ATG7: variants seen among roughly 807,000 people sequenced by gnomAD.
ATG7 encodes ubiquitin-like modifier-activating enzyme ATG7.
Under a neutral mutation model 82.4 loss-of-function variants are expected in ATG7, and 70 were observed. That is an observed-to-expected ratio of 0.85 (90% CI 0.70 to 1.04). The LOEUF is 1.04. Among genes scored for constraint, ATG7 ranks in the 50% least tolerant of loss-of-function variants. ATG7 has a pLI of 0.00. For missense variants in ATG7, 792 were observed against 864.3 expected (o/e 0.92, Z 1.05); for synonymous variants, 287 against 313.0 (o/e 0.92, Z 0.88).
At chr3:11,471,739 A>T (rs2087545090) in intron 20 of ATG7, among the ~76,000 whole-genome samples, 1 of 60,990 alleles carries the variant, frequency 1.6e-5, no homozygotes, top group Non-Finnish European at 3.0e-5. Context: ...TTGGCTTTTT[A>T]GATTTCTTTT....
intron 20 of ATG7, among the ~76,000 whole-genome samples, chr3:11,479,929 A>ATTTT (rs1240114722): frequency 7.1e-6 from 1 of 140,838 alleles, no homozygotes; most frequent in Non-Finnish European, 1.6e-5. Context: ...CCTGGAATCA[A>ATTTT]TTTTTTTTTT....
chr3:11,377,004 G>T (rs778116125), intron 18 of ATG7, among the ~76,000 whole-genome samples: 11 of 152,208 alleles, frequency 7.2e-5, no homozygotes, highest in Non-Finnish European at 1.6e-4. Flanking sequence ...CTCCCAAAGT[G>T]CTGGGATTAC....
chr3:11,432,075 G>C (rs931424662), intron 20 of ATG7, among the ~76,000 whole-genome samples: 2 of 152,152 alleles, frequency 1.3e-5, no homozygotes, highest in African/African-American at 2.4e-5. Flanking sequence ...TTTATTGGAG[G>C]GGGAGAGGTC....
intron 7 of ATG7, 69 bp downstream of exon 7, chr3:11,309,130 G>A (rs1348044191): frequency 2.2e-6 from 3 of 1,389,962 alleles, no homozygotes; most frequent in Non-Finnish European, 3.1e-6. Context: ...TGTACCAGTA[G>A]AACAGTCTGC....
intron 20 of ATG7, among the ~76,000 whole-genome samples, chr3:11,541,663 C>T (rs931326920): frequency 7.2e-5 from 11 of 152,148 alleles, no homozygotes; most frequent in Non-Finnish European, 1.2e-4. Flanking sequence ...TTATATCCTG[C>T]GTCCTCCCCA....
Position 11,293,862 on chromosome 3 carries a change from A to G in ATG7, c.-10-4824A>G, listed in dbSNP as rs570731664. ...CAAGACTCCGTATCGAGAGAAAAAA[A>G]AAAACATTAGCCGGGCATGGTGACA... On this transcript the variant is annotated intron_variant, in intron 3 of 20. Transcript: ENST00000693202. 3.3e-5 allele frequency among the ~76,000 whole-genome samples: 5 copies of G among 151,522 alleles called. No homozygotes were observed. In the South Asian group the frequency reaches 8.4e-4, roughly 25 times the overall value.
chr3:11,483,023 T>G (rs2089196945), intron 20 of ATG7, among the ~76,000 whole-genome samples: 1 of 151,998 alleles, frequency 6.6e-6, no homozygotes, highest in Non-Finnish European at 1.5e-5. Context: ...ATTCTCAACG[T>G]TTTTCCACCT....
intron 20 of ATG7, among the ~76,000 whole-genome samples, chr3:11,442,523 A>C (rs1481785082): frequency 6.6e-6 from 1 of 152,104 alleles, no homozygotes; most frequent in East Asian, 1.9e-4. Flanking sequence ...TTAGCCATTA[A>C]AATTTTAATG....
In ATG7 at chr3:11,325,270, A is replaced by G. The variant is rs147926012; in HGVS notation, c.679-6070A>G. On this transcript the variant is annotated intron_variant, in intron 9 of 20. Coordinates refer to ENST00000693202, the MANE Select transcript of ATG7 (RefSeq NM_001349232.2). ...GTCATGGTGGTGGATTGGACTGAAC[A>G]AAGAGGTCAATGAAGTTACTGCAAG... Among the ~76,000 whole-genome samples the G allele has an allele frequency of 1.6e-4, 24 of 152,326 alleles. No individual in the cohort carries two copies. The East Asian group carries it at 2.7e-3, about 17-fold the overall frequency.
chr3:11,332,936 A>T, intron 10 of ATG7, 36 bp from the exon 11 acceptor site: 1 of 1,407,764 alleles, frequency 7.1e-7, no homozygotes, highest in Non-Finnish European at 9.3e-7. Flanking sequence ...TTTAAAAAAA[A>T]ATAATAAATA....
chr3:11,394,108 C>T (rs1407269896), intron 19 of ATG7, among the ~76,000 whole-genome samples: 3 of 152,166 alleles, frequency 2.0e-5, no homozygotes, highest in Non-Finnish European at 2.9e-5. Flanking sequence ...GAGTAAATTA[C>T]AGGAACTATA....
chr3:11,320,405 AG>A (rs1340856169), intron 9 of ATG7, among the ~76,000 whole-genome samples: 3 of 151,868 alleles, frequency 2.0e-5, no homozygotes, highest in African/African-American at 7.3e-5. Flanking sequence ...CTCCTGCCTC[AG>A]CCTCCTGAGT....
chr3:11,392,081 T>C (rs2078856584), intron 19 of ATG7, among the ~76,000 whole-genome samples: 2 of 152,134 alleles, frequency 1.3e-5, no homozygotes, highest in African/African-American at 4.8e-5. Context: ...CAGAGGAATG[T>C]ATTTCTTATG....
chr3:11,492,426 G>A (rs566472751), intron 20 of ATG7, among the ~76,000 whole-genome samples: 59 of 152,316 alleles, frequency 3.9e-4, no homozygotes, highest in African/African-American at 1.4e-3. Context: ...CCCGTCTTCT[G>A]TGTCACTCAC....
chr3:11,556,504 GTA>G lies in ATG7; in HGVS notation c.*1662_*1663del. ...GGTGGTTTTCCTGTTACGACGCTCA[GTA>G]GCCTGTAGCAATAACAAACTCGTGG... On this transcript the variant is annotated 3_prime_UTR_variant, in exon 21 of 21. Coordinates refer to ENST00000693202, the MANE Select transcript of ATG7 (RefSeq NM_001349232.2). 6.5e-6 allele frequency: 1 copy of G among 152,828 alleles called. No homozygotes were observed. The highest frequency in any genetic ancestry group is 1.9e-4 in the East Asian group (1 of 5,314). The allele number at this position is 152,828 out of a possible 1,614,324, so 9.5% of individuals were successfully genotyped here.
At chr3:11,397,164 T>G (rs1003684956) in intron 19 of ATG7, among the ~76,000 whole-genome samples, 2 of 152,106 alleles carry the variant, frequency 1.3e-5, no homozygotes, top group Non-Finnish European at 2.9e-5. Flanking sequence ...TTATATGCAT[T>G]ATACAAGCAA....
At chr3:11,301,937 A>G (rs1370045165) in intron 5 of ATG7, among the ~76,000 whole-genome samples, 1 of 152,256 alleles carries the variant, frequency 6.6e-6, no homozygotes, top group Non-Finnish European at 1.5e-5. Context: ...TGAACTTACT[A>G]CAAAATGTGA....
chr3:11,472,334 C>G (rs2153017684), intron 20 of ATG7, among the ~76,000 whole-genome samples: 1 of 152,258 alleles, frequency 6.6e-6, no homozygotes, highest in East Asian at 1.9e-4. Flanking sequence ...GCTTACGTCC[C>G]CAAGCTTAGT....
chr3:11,373,384 G>C (rs1005935699), intron 18 of ATG7, among the ~76,000 whole-genome samples: 1 of 152,162 alleles, frequency 6.6e-6, no homozygotes, highest in Non-Finnish European at 1.5e-5. Flanking sequence ...ACAGCTAACA[G>C]GTGATGCTGA....
Sources: allele counts gnomAD v4.1 joint callset (sites outside exome capture counted in the v4.1 genomes callset), GRCh38; gene constraint gnomAD v4.1.1; transcripts MANE v1.5; gene names NCBI Gene and HGNC (gene_info 2026-07-23, HGNC 2026-07-21).